SHLD1: variants seen among roughly 807,000 people sequenced by gnomAD.
The protein encoded by SHLD1 is RINN1-REV7-interacting novel NHEJ regulator 3.
Under a neutral mutation model 5.5 loss-of-function variants are expected in SHLD1, and 3 were observed. The ratio of observed to expected loss-of-function variants is 0.54; its 90% CI spans 0.25 to 1.40. The LOEUF is 1.40. Among genes scored for constraint, SHLD1 ranks in the 40% most tolerant of loss-of-function variants. SHLD1 has a pLI of 0.15. For synonymous variants in SHLD1, 92 were observed against 94.3 expected, an observed-to-expected ratio of 0.98 and a Z score of 0.14; for missense variants, 210 against 244.4, an observed-to-expected ratio of 0.86 and a Z score of 0.94.
chr20:5,844,799 A>ATTTT (rs1161478171), intron 2 of SHLD1, among the ~76,000 whole-genome samples: 137 of 71,694 alleles, frequency 1.9e-3, no homozygotes, highest in South Asian at 8.4e-3. Flanking sequence ...ATATATATAT[A>ATTTT]TTTTTTTTTT....
intron 2 of SHLD1, among the ~76,000 whole-genome samples, chr20:5,795,268 AACAC>A (rs976955956): frequency 2.0e-5 from 3 of 150,510 alleles, no homozygotes; most frequent in Admixed American, 6.6e-5. Flanking sequence ...CAAAACAAAA[AACAC>A]ACACACACAC....
At chr20:5,757,862 C>A (rs2122182085) in intron 1 of SHLD1, among the ~76,000 whole-genome samples, 1 of 152,312 alleles carries the variant, frequency 6.6e-6, no homozygotes, top group East Asian at 1.9e-4. Context: ...CTCAGCCTCC[C>A]AAAGTACTGG....
At chr20:5,763,570 C>T (rs1214940330) in intron 1 of SHLD1, among the ~76,000 whole-genome samples, 1 of 152,074 alleles carries the variant, frequency 6.6e-6, no homozygotes, top group Admixed American at 6.6e-5. Flanking sequence ...GATTCTCCTG[C>T]CTGTTCCTTT....
At chr20:5,750,391 T>C (rs1983654823), upstream of SHLD1, 1 of 150,430 alleles carries the variant, frequency 6.6e-6, no homozygotes, top group South Asian at 2.1e-4. Flanking sequence ...GATGGCGCCA[T>C]TGCTTCCGCG....
intron 2 of SHLD1, among the ~76,000 whole-genome samples, chr20:5,859,439 C>T (rs187522566): frequency 5.9e-5 from 9 of 152,190 alleles, no homozygotes; most frequent in African/African-American, 2.2e-4. Context: ...TCCCTGAAGA[C>T]GTTGCTATCC....
chr20:5,835,452 C>T (rs111939012), intron 2 of SHLD1, among the ~76,000 whole-genome samples: 4 of 152,196 alleles, frequency 2.6e-5, no homozygotes, highest in African/African-American at 9.7e-5. Flanking sequence ...TAAGACCTGC[C>T]AAGTACCATC....
At chr20:5,779,590 A>C (rs1379178410) in intron 2 of SHLD1, among the ~76,000 whole-genome samples, 1 of 152,128 alleles carries the variant, frequency 6.6e-6, no homozygotes, top group Non-Finnish European at 1.5e-5. Context: ...CAGATTCTTA[A>C]CACCTCCAGT....
At chr20:5,858,646 C>A (rs567625081) in intron 2 of SHLD1, among the ~76,000 whole-genome samples, 3 of 152,218 alleles carry the variant, frequency 2.0e-5, no homozygotes, top group Admixed American at 2.0e-4. Flanking sequence ...CCAGCCTGGC[C>A]AACATGGCAA....
At chr20:5,759,272 T>A in intron 1 of SHLD1, among the ~76,000 whole-genome samples, 1 of 148,448 alleles carries the variant, frequency 6.7e-6, no homozygotes, top group Non-Finnish European at 1.5e-5. Context: ...TTTTAATTAA[T>A]TTTTTTTTTG....
chr20:5,807,494 C>G (rs1041779600), intron 2 of SHLD1, among the ~76,000 whole-genome samples: 2 of 152,112 alleles, frequency 1.3e-5, no homozygotes, highest in Non-Finnish European at 2.9e-5. Flanking sequence ...CCTCAGTCTC[C>G]TGTGTAGCTG....
At chr20:5,818,357 T>G (rs1465094730) in intron 2 of SHLD1, among the ~76,000 whole-genome samples, 1 of 152,232 alleles carries the variant, frequency 6.6e-6, no homozygotes, top group Non-Finnish European at 1.5e-5. Context: ...ATTACAGGCG[T>G]GAGCCACTGC....
chr20:5,839,541 T>C (rs572807426), intron 2 of SHLD1, among the ~76,000 whole-genome samples: 21 of 146,930 alleles, frequency 1.4e-4, no homozygotes, highest in South Asian at 8.9e-4. Context: ...GATAGACAGA[T>C]AGACAGAAAA....
chr20:5,850,127 TAATAA>T (rs1244237514), intron 2 of SHLD1, among the ~76,000 whole-genome samples: 1 of 144,458 alleles, frequency 6.9e-6, no homozygotes, highest in Non-Finnish European at 1.5e-5. Flanking sequence ...ATAATAATAA[TAATAA>T]TAATAATAAT....
At chr20:5,803,909 G>T (rs2122348058) in intron 2 of SHLD1, among the ~76,000 whole-genome samples, 1 of 150,738 alleles carries the variant, frequency 6.6e-6, no homozygotes, top group South Asian at 2.1e-4. Context: ...AACAAAACAA[G>T]AATGACGAAA....
At chr20:5,853,101 T>C (rs935731536) in intron 2 of SHLD1, among the ~76,000 whole-genome samples, 1 of 152,216 alleles carries the variant, frequency 6.6e-6, no homozygotes, top group Non-Finnish European at 1.5e-5. Context: ...TTTTTAAATA[T>C]ACTGGGTATC....
intron 2 of SHLD1, among the ~76,000 whole-genome samples, chr20:5,779,391 T>C (rs1985585471): frequency 1.3e-5 from 2 of 152,136 alleles, no homozygotes; most frequent in Non-Finnish European, 1.5e-5. Context: ...GTTTTTCATT[T>C]ATAAGTTGAG....
chr20:5,850,719 C>T (rs1374580451), intron 2 of SHLD1, among the ~76,000 whole-genome samples: 1 of 152,084 alleles, frequency 6.6e-6, no homozygotes, highest in East Asian at 1.9e-4. Context: ...ACCATGTTGG[C>T]CAGACTGGTC....
chr20:5,751,414 C>A (rs558390839), intron 1 of SHLD1, among the ~76,000 whole-genome samples: 2 of 152,258 alleles, frequency 1.3e-5, no homozygotes, highest in African/African-American at 2.4e-5. Flanking sequence ...TCAAGCTAGT[C>A]TCCTGCCTGA....
intron 2 of SHLD1, among the ~76,000 whole-genome samples, chr20:5,798,102 G>T (rs2087237461): frequency 6.6e-6 from 1 of 152,160 alleles, no homozygotes; most frequent in Non-Finnish European, 1.5e-5. Context: ...GAATGGTCTG[G>T]AATGTTCAAG....
Sources: gnomAD v4.1 joint callset for allele counts (sites outside exome capture counted in the v4.1 genomes callset) on GRCh38, gnomAD v4.1.1 for gene constraint, MANE v1.5 for transcripts, NCBI Gene and HGNC (gene_info 2026-07-23, HGNC 2026-07-21) for gene names.